NPAS3: variants seen among roughly 807,000 people sequenced by gnomAD.
The protein encoded by NPAS3 is neuronal PAS domain protein 3.
NPAS3 carries 14 observed loss-of-function variants against 73.1 expected under a neutral mutation model. The observed-to-expected ratio is 0.19, with a 90% confidence interval of 0.13 to 0.30. NPAS3 has a LOEUF of 0.30. NPAS3 is among the 10% of genes least tolerant of loss of function. The pLI, the probability that NPAS3 is intolerant of heterozygous loss-of-function variation, is 1.00. For missense variants in NPAS3, 1,096 were observed against 1,250.0 expected (o/e 0.88, Z 1.86); for synonymous variants, 620 against 541.5 (o/e 1.14, Z -2.01).
intron 1 of NPAS3, among the ~76,000 whole-genome samples, chr14:33,001,058 A>G (rs886369476): frequency 2.6e-5 from 4 of 152,222 alleles, no homozygotes; most frequent in Non-Finnish European, 5.9e-5. Flanking sequence ...TCGGTGACTT[A>G]ATAAAATCAA....
chr14:33,016,105 A>G (rs2039382737), intron 1 of NPAS3, among the ~76,000 whole-genome samples: 1 of 152,210 alleles, frequency 6.6e-6, no homozygotes, highest in African/African-American at 2.4e-5. Context: ...GCCCTAAAAA[A>G]CAATCTCTCA....
At position 33,343,308 on chromosome 14, in the gene NPAS3, C is replaced by T. The variant is rs1159971176; in HGVS notation, c.386-23878C>T. On this transcript the variant is annotated intron_variant, in intron 3 of 11. Coordinates refer to ENST00000356141, the Ensembl canonical transcript of NPAS3. ...CCCTCCTGCTTTCTTTTTTTCTCATCGTCCCCAACATTACAGCATAACTGT... is the reference window on the plus strand; with the variant it reads ...CCCTCCTGCTTTCTTTTTTTCTCATTGTCCCCAACATTACAGCATAACTGT... Among the ~76,000 whole-genome samples the T allele has an allele frequency of 5.9e-5, 9 of 152,028 alleles. 1 individual carries two copies. Among genetic ancestry groups the T allele is most frequent in the South Asian group, 2.1e-4 (1 of 4,826 alleles).
At chr14:33,275,111 T>A (rs1426887592) in intron 3 of NPAS3, among the ~76,000 whole-genome samples, 1 of 152,092 alleles carries the variant, frequency 6.6e-6, no homozygotes, top group Non-Finnish European at 1.5e-5. Context: ...AAAATAAGAA[T>A]CCAGATAATA....
intron 5 of NPAS3, among the ~76,000 whole-genome samples, chr14:33,590,461 A>C (rs1189222018): frequency 6.6e-6 from 1 of 152,118 alleles, no homozygotes; most frequent in Non-Finnish European, 1.5e-5. Flanking sequence ...GGTGAGTGAG[A>C]TATATAGATT....
intron 6 of NPAS3, among the ~76,000 whole-genome samples, chr14:33,688,068 G>C (rs1020764937): frequency 9.2e-5 from 14 of 152,202 alleles, no homozygotes; most frequent in Non-Finnish European, 1.9e-4. Flanking sequence ...TGCTCTGCAA[G>C]ATGAACTTTT....
chr14:33,697,777 T>C (rs1194750532), intron 6 of NPAS3, among the ~76,000 whole-genome samples: 1 of 152,224 alleles, frequency 6.6e-6, no homozygotes, highest in Non-Finnish European at 1.5e-5. Context: ...TGTTTTAGAC[T>C]TCCACATTAA....
intron 5 of NPAS3, among the ~76,000 whole-genome samples, chr14:33,614,804 A>G (rs1382963063): frequency 6.6e-6 from 1 of 152,216 alleles, no homozygotes; most frequent in Non-Finnish European, 1.5e-5. Context: ...TCCAAATTTA[A>G]TTATTCAAAA....
chr14:33,651,393 C>T (rs889993371), intron 5 of NPAS3, among the ~76,000 whole-genome samples: 1 of 152,202 alleles, frequency 6.6e-6, no homozygotes. Context: ...AAAGTTAAAT[C>T]ATTCTTTTCT....
At chr14:33,248,776 AGT>A (rs1274496970) in intron 3 of NPAS3, among the ~76,000 whole-genome samples, 1 of 152,246 alleles carries the variant, frequency 6.6e-6, no homozygotes, top group African/African-American at 2.4e-5. Context: ...GTGACCAAGC[AGT>A]CAGGCTACAG....
intron 3 of NPAS3, among the ~76,000 whole-genome samples, chr14:33,344,961 G>T (rs1234385968): frequency 6.6e-6 from 1 of 152,186 alleles, no homozygotes; most frequent in Non-Finnish European, 1.5e-5. Context: ...AACTGGAAAG[G>T]GCAAGTGCAA....
intron 3 of NPAS3, among the ~76,000 whole-genome samples, chr14:33,362,388 C>A (rs1437271278): frequency 6.6e-6 from 1 of 152,176 alleles, no homozygotes; most frequent in Non-Finnish European, 1.5e-5. Flanking sequence ...ACCTCATGAA[C>A]TTCTGGGGCT....
intron 5 of NPAS3, among the ~76,000 whole-genome samples, chr14:33,607,156 C>T (rs1051945136): frequency 3.3e-5 from 5 of 152,168 alleles, no homozygotes; most frequent in Admixed American, 2.6e-4. Flanking sequence ...TATGACCTAG[C>T]TGTTCCACTC....
At chr14:32,946,348 G>GCACACACACACACACACA (rs3057257) in intron 1 of NPAS3, among the ~76,000 whole-genome samples, 76 of 139,402 alleles carry the variant, frequency 5.5e-4, no homozygotes, top group Non-Finnish European at 6.3e-4. Context: ...ACACACACGC[G>GCACACACACACACACACA]CACACACACA....
intron 4 of NPAS3, among the ~76,000 whole-genome samples, chr14:33,485,064 T>TG (rs1317757232): frequency 6.6e-6 from 1 of 152,142 alleles, no homozygotes; most frequent in Non-Finnish European, 1.5e-5. Flanking sequence ...ATAGTACCTT[T>TG]GGAGAGGTAG....
At chr14:33,482,034 T>C (rs957212838) in intron 4 of NPAS3, among the ~76,000 whole-genome samples, 2 of 150,132 alleles carry the variant, frequency 1.3e-5, no homozygotes, top group Non-Finnish European at 3.0e-5. Context: ...CAGTGGAAAA[T>C]TCATGAACTC....
intron 1 of NPAS3, among the ~76,000 whole-genome samples, chr14:32,984,017 C>T (rs1314383698): frequency 3.9e-5 from 6 of 152,168 alleles, no homozygotes; most frequent in South Asian, 2.1e-4. Flanking sequence ...GCACTGCACC[C>T]GGCCAAATAG....
chr14:33,651,886 G>A (rs1055090269), intron 5 of NPAS3, among the ~76,000 whole-genome samples: 3 of 152,188 alleles, frequency 2.0e-5, no homozygotes, highest in African/African-American at 2.4e-5. Context: ...AGCACCCAGC[G>A]TTTCCATTAA....
At chr14:33,655,331 CTT>C (rs3059406) in intron 5 of NPAS3, among the ~76,000 whole-genome samples, 8,542 of 105,700 alleles carry the variant, frequency 0.081, 354 homozygotes, top group East Asian at 0.21. Flanking sequence ...ACCTTTGGCT[CTT>C]TTTTTTTTTT....
At chr14:33,153,371 T>C (rs998152201) in intron 2 of NPAS3, among the ~76,000 whole-genome samples, 1 of 152,188 alleles carries the variant, frequency 6.6e-6, no homozygotes, top group Non-Finnish European at 1.5e-5. Context: ...GGGTGAACCA[T>C]GTAGGGAACT....
Sources: gnomAD v4.1 joint callset for allele counts (sites outside exome capture counted in the v4.1 genomes callset) on GRCh38, gnomAD v4.1.1 for gene constraint, MANE v1.5 for transcripts, NCBI Gene and HGNC (gene_info 2026-07-23, HGNC 2026-07-21) for gene names.